The following MCTP1 variants were observed in gnomAD, a reference collection of about 807,000 sequenced individuals.
MCTP1 encodes multiple C2 and transmembrane domain containing 1.
MCTP1 carries 69 observed loss-of-function variants against 120.6 expected under a neutral mutation model. That is an observed-to-expected ratio of 0.57 (90% confidence interval 0.47 to 0.70). The LOEUF (loss-of-function observed/expected upper bound fraction) is 0.70. Ranked by LOEUF, MCTP1 falls within the 30% of genes least tolerant of loss-of-function variation. The pLI, the probability that MCTP1 is intolerant of heterozygous loss-of-function variation, is 0.00. For missense variants in MCTP1, 1,203 were observed against 1,248.8 expected (o/e 0.96, Z 0.55); for synonymous variants, 529 against 493.1 (o/e 1.07, Z -0.96).
At chr5:94,966,981 G>A (rs463416) in intron 2 of MCTP1, among the ~76,000 whole-genome samples, 6,471 of 152,098 alleles carry the variant, frequency 0.043, 177 homozygotes, top group East Asian at 0.089. Context: ...TACAAAAAAC[G>A]CACTCGCACA....
intron 19 of MCTP1, among the ~76,000 whole-genome samples, chr5:94,754,600 G>C (rs903489430): frequency 3.9e-5 from 6 of 152,172 alleles, no homozygotes; most frequent in Non-Finnish European, 8.8e-5. Context: ...AAAGAAGATG[G>C]AGGATCAAAA....
At chr5:94,971,679 C>A (rs1826918148) in intron 2 of MCTP1, among the ~76,000 whole-genome samples, 1 of 152,026 alleles carries the variant, frequency 6.6e-6, no homozygotes, top group Non-Finnish European at 1.5e-5. Flanking sequence ...AAATGTAGTT[C>A]TTAAAATAAA....
At chr5:94,721,016 C>A (rs1009867790) in intron 19 of MCTP1, among the ~76,000 whole-genome samples, 1 of 152,122 alleles carries the variant, frequency 6.6e-6, no homozygotes, top group Non-Finnish European at 1.5e-5. Context: ...ACTCCAGAGC[C>A]TATACTCTAT....
chr5:94,863,819 T>C (rs1796272079), intron 17 of MCTP1, among the ~76,000 whole-genome samples: 1 of 71,394 alleles, frequency 1.4e-5, no homozygotes, highest in Admixed American at 1.1e-4. Flanking sequence ...CTGTGCTTCC[T>C]CCACTTTTTT....
chr5:95,088,826 A>G (rs940000540), intron 1 of MCTP1, among the ~76,000 whole-genome samples: 3 of 152,214 alleles, frequency 2.0e-5, no homozygotes, highest in African/African-American at 4.8e-5. Context: ...AAGAAAGGTT[A>G]AGCAACTTGC....
chr5:95,185,119 C>G (rs1446703362), intron 1 of MCTP1, among the ~76,000 whole-genome samples: 6 of 152,166 alleles, frequency 3.9e-5, no homozygotes, highest in Non-Finnish European at 7.3e-5. Flanking sequence ...GCAAGGTGAA[C>G]CCACTGGGCA....
intron 1 of MCTP1, among the ~76,000 whole-genome samples, chr5:95,147,125 T>C (rs1760465848): frequency 6.6e-6 from 1 of 152,128 alleles, no homozygotes; most frequent in South Asian, 2.1e-4. Flanking sequence ...CTCACTCTGT[T>C]GACCAGGCTG....
intron 10 of MCTP1, among the ~76,000 whole-genome samples, chr5:94,905,370 G>A (rs7717497): frequency 0.16 from 24,066 of 152,046 alleles, 2,246 homozygotes; most frequent in African/African-American, 0.26. Flanking sequence ...TTGGAACAGA[G>A]GAGTTAAGTT....
At chr5:95,267,589 G>C (rs1266212127) in intron 1 of MCTP1, among the ~76,000 whole-genome samples, 1 of 152,206 alleles carries the variant, frequency 6.6e-6, no homozygotes, top group Non-Finnish European at 1.5e-5. Context: ...GGAAAACATA[G>C]CTCCAACCTA....
rs931799492 is a variant in MCTP1 at position 94,761,300 on chromosome 5, G to A, written c.2610+17810C>T. Among the ~76,000 whole-genome samples, 6 of 152,264 alleles carry A rather than the reference G, an allele frequency of 3.9e-5. No individual in the cohort carries two copies. The East Asian group carries it at 1.2e-3, about 29-fold the overall frequency. ...ATTGGAATTTCCTACAGGATTCTTT[G>A]CAACTCCTTCCTGCTTCCCAGCTAG... On this transcript the variant is annotated intron_variant, in intron 19 of 22. Transcript: ENST00000515393.
chr5:94,874,105 TACAA>T (rs1412590529), intron 12 of MCTP1, among the ~76,000 whole-genome samples: 1 of 152,046 alleles, frequency 6.6e-6, no homozygotes, highest in Non-Finnish European at 1.5e-5. Flanking sequence ...TGATACCTTA[TACAA>T]ATGACAATGA....
At chr5:95,023,970 T>C in intron 1 of MCTP1, 2 of 332,838 alleles carry the variant, frequency 6.0e-6, no homozygotes, top group South Asian at 5.0e-5. Flanking sequence ...GTGCAGTTAT[T>C]TTTAGTGCCT....
intron 2 of MCTP1, among the ~76,000 whole-genome samples, chr5:94,966,807 A>C (rs1459316458): frequency 6.6e-5 from 10 of 151,836 alleles, no homozygotes; most frequent in Non-Finnish European, 8.8e-5. Flanking sequence ...AAAAAAAAAA[A>C]CAACAAAACC....
intron 8 of MCTP1, among the ~76,000 whole-genome samples, chr5:94,915,989 G>C (rs1263637760): frequency 2.6e-5 from 4 of 152,018 alleles, no homozygotes; most frequent in African/African-American, 9.7e-5. Context: ...GGTAATTATG[G>C]GGACCTGCAC....
intron 1 of MCTP1, among the ~76,000 whole-genome samples, chr5:95,057,176 T>C (rs1000811488): frequency 1.3e-5 from 2 of 152,136 alleles, no homozygotes; most frequent in Non-Finnish European, 2.9e-5. Context: ...AGGTGTATGT[T>C]AAACTTTATG....
chr5:94,971,253 A>G (rs1449234641), intron 2 of MCTP1, among the ~76,000 whole-genome samples: 1 of 152,162 alleles, frequency 6.6e-6, no homozygotes, highest in Non-Finnish European at 1.5e-5. Flanking sequence ...TTTTCTAGGA[A>G]ACTAAAAATT....
chr5:95,082,673 TAA>T (rs1755075120), intron 1 of MCTP1, among the ~76,000 whole-genome samples: 2 of 152,294 alleles, frequency 1.3e-5, no homozygotes, highest in Admixed American at 1.3e-4. Flanking sequence ...TTTCAATATG[TAA>T]TCATAATAAA....
chr5:95,173,131 C>A (rs1288838298), intron 1 of MCTP1, among the ~76,000 whole-genome samples: 1 of 152,138 alleles, frequency 6.6e-6, no homozygotes, highest in Non-Finnish European at 1.5e-5. Flanking sequence ...CACAATGTTA[C>A]TTTACCAAAA....
chr5:95,279,090 G>T (rs1456310690), intron 1 of MCTP1, among the ~76,000 whole-genome samples: 1 of 151,996 alleles, frequency 6.6e-6, no homozygotes, highest in Non-Finnish European at 1.5e-5. Flanking sequence ...TTTTGTCAAT[G>T]CTTATAAAGT....
Sources: gnomAD v4.1 joint callset for allele counts (sites outside exome capture counted in the v4.1 genomes callset) on GRCh38, gnomAD v4.1.1 for gene constraint, MANE v1.5 for transcripts, NCBI Gene and HGNC (gene_info 2026-07-23, HGNC 2026-07-21) for gene names.